The following FUT8 variants were observed in gnomAD, a reference collection of about 807,000 sequenced individuals.
FUT8 encodes fucosyltransferase 8.
FUT8 carries 29 observed loss-of-function variants against 71.3 expected under a neutral mutation model. The ratio of observed to expected loss-of-function variants is 0.41; its 90% confidence interval spans 0.30 to 0.55. FUT8 has a LOEUF of 0.55. Among genes scored for constraint, FUT8 ranks in the 20% least tolerant of loss-of-function variants. The pLI is 0.34. For synonymous variants in FUT8, 254 were observed against 239.3 expected, an observed-to-expected ratio of 1.06 and a Z score of -0.57; for missense variants, 544 against 702.1, an observed-to-expected ratio of 0.77 and a Z score of 2.55.
chr14:65,440,677 TC>T (rs2065641040), intron 1 of FUT8, among the ~76,000 whole-genome samples: 1 of 152,194 alleles, frequency 6.6e-6, no homozygotes, highest in Non-Finnish European at 1.5e-5. Context: ...CATCTGGAGT[TC>T]CTCTTGTGGG....
rs193283943 is a variant in FUT8 at position 65,722,056 on chromosome 14, T to C, written c.1082+35T>C. The C allele has an allele frequency of 2.1e-5, 33 of 1,608,684 alleles. No homozygotes were observed. The Admixed American group carries it at 5.0e-4, about 25-fold the overall frequency. ...TGATTTTTTCCCTCAAACTGTGATA[T>C]GTAGTAGTTAGGGTTATGTATCTTT... On this transcript the variant is annotated intron_variant, in intron 8 of 10. Transcript: ENST00000673929.
rs1209867725 is a variant in FUT8, at chr14:65,455,601, A to G, written c.-325-20A>G. ...AAGCTTGAGTAGGGCTGAATTTCAT[A>G]TATTTTTATTTTGTTTCAGGTTGCT... is the stretch of plus-strand genomic sequence containing the variant. On this transcript the variant is annotated intron_variant, in intron 1 of 10. Transcript: ENST00000673929. 2 of 398,084 alleles carry G rather than the reference A, an allele frequency of 5.0e-6. No homozygotes were observed. Among genetic ancestry groups the G allele is most frequent in the Admixed American group, 4.4e-5 (1 of 22,716 alleles). 24.7% of individuals were successfully genotyped at this position (398,084 alleles called of 1,614,324 possible).
At chr14:65,722,104 A>G in intron 8 of FUT8, 83 bp downstream of exon 8, 2 of 1,509,660 alleles carry the variant, frequency 1.3e-6, no homozygotes, top group South Asian at 2.5e-5. Context: ...GAATTTTACA[A>G]TATGTAGTTC....
At chr14:65,687,370 T>G (rs1893345319) in intron 7 of FUT8, among the ~76,000 whole-genome samples, 1 of 152,164 alleles carries the variant, frequency 6.6e-6, no homozygotes, top group East Asian at 1.9e-4. Flanking sequence ...AATTGGACAG[T>G]AGTGTTAGGG....
chr14:65,536,902 G>A (rs1398399548), intron 2 of FUT8, among the ~76,000 whole-genome samples: 1 of 151,268 alleles, frequency 6.6e-6, no homozygotes, highest in East Asian at 1.9e-4. Context: ...TGTAGATTTG[G>A]TCTCTTTACA....
chr14:65,690,249 C>T (rs1248022500), intron 7 of FUT8, among the ~76,000 whole-genome samples: 1 of 152,050 alleles, frequency 6.6e-6, no homozygotes, highest in African/African-American at 2.4e-5. Flanking sequence ...GTCTGTTTTC[C>T]AATATCACAC....
At chr14:65,668,682 A>T (rs182920138) in intron 6 of FUT8, among the ~76,000 whole-genome samples, 1 of 152,212 alleles carries the variant, frequency 6.6e-6, no homozygotes. Flanking sequence ...TTTTGGGTAT[A>T]TAACCAAAGG....
intron 6 of FUT8, among the ~76,000 whole-genome samples, chr14:65,665,751 C>T (rs993352791): frequency 2.6e-5 from 4 of 152,086 alleles, no homozygotes; most frequent in African/African-American, 9.7e-5. Flanking sequence ...ACTGTGCAAC[C>T]ATAAAAAAGA....
intron 8 of FUT8, among the ~76,000 whole-genome samples, chr14:65,722,491 C>T (rs185487000): frequency 4.4e-4 from 67 of 152,290 alleles, no homozygotes; most frequent in Non-Finnish European, 7.6e-4. Flanking sequence ...TCCCACCCCA[C>T]ATCTTTCCTT....
the FUT8 span, among the ~76,000 whole-genome samples, chr14:65,374,399 T>C: frequency 6.6e-6 from 1 of 152,196 alleles, no homozygotes; most frequent in Non-Finnish European, 1.5e-5. Context: ...GATTTTTCTC[T>C]GATTCTCTCT....
chr14:65,416,710 A>G (rs561779034), intron 1 of FUT8, among the ~76,000 whole-genome samples: 1 of 152,186 alleles, frequency 6.6e-6, no homozygotes, highest in Non-Finnish European at 1.5e-5. Flanking sequence ...CTGTAAAAAA[A>G]TCTCCAACAG....
At chr14:65,636,213 A>G (rs1890544142) in intron 6 of FUT8, among the ~76,000 whole-genome samples, 1 of 151,664 alleles carries the variant, frequency 6.6e-6, no homozygotes, top group African/African-American at 2.4e-5. Flanking sequence ...TATTGAGGTT[A>G]TTTGGATTTT....
At chr14:65,658,902 G>A (rs1359334015) in intron 6 of FUT8, among the ~76,000 whole-genome samples, 1 of 151,968 alleles carries the variant, frequency 6.6e-6, no homozygotes, top group East Asian at 1.9e-4. Context: ...ATCTAAAAAA[G>A]TCTGTAGTTA....
chr14:65,693,167 G>A (rs1204498169), intron 7 of FUT8, among the ~76,000 whole-genome samples: 45 of 152,216 alleles, frequency 3.0e-4, no homozygotes, highest in Non-Finnish European at 2.9e-5. Context: ...GCTGGGAGGT[G>A]GAGGTTGTAG....
intron 2 of FUT8, among the ~76,000 whole-genome samples, chr14:65,495,225 A>C (rs1651791137): frequency 6.6e-6 from 1 of 151,904 alleles, no homozygotes; most frequent in Non-Finnish European, 1.5e-5. Context: ...ATCACATTTA[A>C]AAAACTATAG....
intron 2 of FUT8, among the ~76,000 whole-genome samples, chr14:65,542,078 A>G (rs1884707694): frequency 6.6e-6 from 1 of 152,204 alleles, no homozygotes; most frequent in African/African-American, 2.4e-5. Flanking sequence ...CCTACGTCGT[A>G]AGGGTATTGA....
intron 10 of FUT8, among the ~76,000 whole-genome samples, chr14:65,736,835 T>C (rs570135092): frequency 6.6e-6 from 1 of 152,220 alleles, no homozygotes; most frequent in South Asian, 2.1e-4. Flanking sequence ...CAAGAGATGT[T>C]AGGAAGTGAT....
rs889477743 is a variant in FUT8 at position 65,733,360 on chromosome 14, A to G, written c.1389A>G (p.Leu463=). 1.9e-6 allele frequency: 3 copies of G among 1,592,688 alleles called. No homozygotes were observed. The highest frequency in any genetic ancestry group is 2.6e-6 in the Non-Finnish European group (3 of 1,170,556). The change falls in exon 10 of 11, where the codon CTA becomes CTG. Residue 463 remains leucine (L), a synonymous_variant. Coordinates refer to ENST00000673929, the MANE Select transcript of FUT8 (RefSeq NM_001371533.1). Reference sequence around the variant, plus strand: ...ATTTTCTCTCTCAGGCAGACTTCCTAGTGTGTACTTTTTCATCCCAGGTAA... The same window carrying G: ...ATTTTCTCTCTCAGGCAGACTTCCTGGTGTGTACTTTTTCATCCCAGGTAA... ...DIHFLSQADF[L]VCTFSSQVCR...
chr14:65,734,017 C>T (rs745528254), intron 10 of FUT8, among the ~76,000 whole-genome samples: 9 of 152,118 alleles, frequency 5.9e-5, no homozygotes, highest in Admixed American at 2.0e-4. Flanking sequence ...ATCAGGATAA[C>T]AATATTTATT....
Sources: allele counts gnomAD v4.1 joint callset (sites outside exome capture counted in the v4.1 genomes callset), GRCh38; gene constraint gnomAD v4.1.1; transcripts MANE v1.5; gene names NCBI Gene and HGNC (gene_info 2026-07-23, HGNC 2026-07-21).